The following HNRNPM variants were observed in gnomAD, a reference collection of about 807,000 sequenced individuals.
HNRNPM encodes the protein heterogeneous nuclear ribonucleoprotein M.
Under a neutral mutation model 73.1 loss-of-function variants are expected in HNRNPM, and 11 were observed. The ratio of observed to expected loss-of-function variants is 0.15; its 90% CI spans 0.09 to 0.25. The LOEUF is 0.25. Among genes scored for constraint, HNRNPM ranks in the 10% least tolerant of loss-of-function variants. HNRNPM has a pLI of 1.00. For missense variants in HNRNPM, 789 were observed against 1,067.9 expected (o/e 0.74, Z 3.64); for synonymous variants, 407 against 355.2 (o/e 1.15, Z -1.64).
rs1406970287 is a variant in HNRNPM at position 8,471,323 on chromosome 19, C to T, written c.896-3C>T. 2.6e-6 allele frequency: 4 copies of T among 1,549,280 alleles called. No individual in the cohort carries two copies. The East Asian group carries it at 9.5e-5, about 37-fold the overall frequency. ...ACTAAGCTTCTTTCTCTTTTCTTTC[C>T]AGATGGCCTTGGTGGTATTGGCATG... On this transcript the variant is annotated splice_region_variant and splice_polypyrimidine_tract_variant and intron_variant, in intron 9 of 15. Coordinates refer to ENST00000325495, the MANE Select transcript of HNRNPM (RefSeq NM_005968.5).
chr19:8,472,354 C>A (rs1970207519), intron 10 of HNRNPM, among the ~76,000 whole-genome samples: 2 of 151,836 alleles, frequency 1.3e-5, no homozygotes, highest in Non-Finnish European at 2.9e-5. Flanking sequence ...ATATGGAAGC[C>A]CCTCTATCCC....
At position 8,485,923 on chromosome 19, in the gene HNRNPM, G is replaced by T. The variant is rs757529430; in HGVS notation, c.1495G>T (p.Ala499Ser). The T allele has an allele frequency of 1.2e-6, 2 of 1,605,168 alleles. No individual in the cohort carries two copies. Among genetic ancestry groups the T allele is most frequent in the Non-Finnish European group, 1.7e-6 (2 of 1,179,464 alleles). ...GMGFGLERMA[A>S]PIDRVGQTIE... ...GGGCTTCGGCCTTGAGCGCATGGCC[G>T]CTCCCATCGACCGTGTGGGCCAGAC... The change falls in exon 14 of 16, where the codon GCT (alanine) becomes TCT (serine). Residue 499 changes from alanine to serine, a missense_variant. Around this residue, in one of 4 missense-constraint regions of HNRNPM, gnomAD observed 604 missense variants for 744.0 expected, o/e 0.81. Coordinates refer to ENST00000325495, the MANE Select transcript of HNRNPM (RefSeq NM_005968.5).
chr19:8,455,745 G>GTTTTTT (rs34467960), intron 2 of HNRNPM, among the ~76,000 whole-genome samples, 171 bp downstream of exon 2: 3 of 144,100 alleles, frequency 2.1e-5, no homozygotes, highest in East Asian at 4.1e-4. Context: ...TTTGTTTTGT[G>GTTTTTT]TTTTTTTTTT....
Position 8,455,408 on chromosome 19 carries a change from A to T in HNRNPM, c.117A>T (p.Glu39Asp). ...TTTTCCTCTCTCTCGAATTCAGTGA[A>T]GGAGAACGACCTGCTCAGAATGAGA... ...SGNGAPGPKG[E>D]GERPAQNEKR... The change falls in exon 2 of 16, where the codon GAA becomes GAT. Residue 39 changes from glutamate to aspartate, a missense_variant. Physicochemically the swap from Glu to Asp is conservative, Grantham distance 45. Coordinates refer to ENST00000325495, the MANE Select transcript of HNRNPM (RefSeq NM_005968.5). 5 of 1,611,428 alleles carry T rather than the reference A, an allele frequency of 3.1e-6. No individual in the cohort carries two copies. Among genetic ancestry groups the T allele is most frequent in the Non-Finnish European group, 4.2e-6 (5 of 1,179,116 alleles).
In HNRNPM at chr19:8,485,952, TGAGCGCATGGGCTCTGGCGTG is replaced by T. The variant is rs749001189; in HGVS notation, c.1537_1557del (p.Ser513_Gly519del). On this transcript the variant is annotated inframe_deletion, in exon 14 of 16. Coordinates refer to ENST00000325495, the MANE Select transcript of HNRNPM (RefSeq NM_005968.5). ...CCATCGACCGTGTGGGCCAGACCAT[TGAGCGCATGGGCTCTGGCGTG>T]GAGCGCATGGGCCCTGCCATCGAGC... 8.1e-6 allele frequency: 13 copies of T among 1,602,336 alleles called. No homozygotes were observed. The highest frequency in any genetic ancestry group is 1.4e-5 in the African/African-American group (1 of 73,154).
chr19:8,466,218 C>T lies in HNRNPM; in HGVS notation c.631-17C>T, dbSNP rs376178018. The T allele has an allele frequency of 3.2e-4, 510 of 1,604,686 alleles. 2 individuals carry two copies. Among genetic ancestry groups the T allele is most frequent in the Non-Finnish European group, 3.9e-4 (464 of 1,176,804 alleles). On this transcript the variant is annotated splice_polypyrimidine_tract_variant and intron_variant, in intron 6 of 15. Transcript: ENST00000325495. ...GATGTTTACATTGAGGTTTTTACCC[C>T]GTTCTCTCTCGATTAGCTGGATTAT...
chr19:8,444,975 A>T lies in HNRNPM; in HGVS notation c.-24A>T, dbSNP rs1968016326. 18 of 1,374,634 alleles carry T rather than the reference A, an allele frequency of 1.3e-5. No individual in the cohort carries two copies. Among genetic ancestry groups the T allele is most frequent in the South Asian group, 5.4e-5 (3 of 55,974 alleles). 85.2% of individuals were successfully genotyped at this position (1,374,634 alleles called of 1,614,324 possible). The stretch of plus-strand genomic sequence containing the variant: ...GCAGCGCGGTGCAGCCCGTTCGCTC[A>T]CACAAAGCCCAGACGCGGAGAAAAT... On this transcript the variant is annotated 5_prime_UTR_variant, in exon 1 of 16. Transcript: ENST00000325495.
intron 5 of HNRNPM, 103 bp from the exon 6 acceptor site, chr19:8,465,221 A>C: frequency 1.1e-6 from 1 of 940,412 alleles, no homozygotes; most frequent in Non-Finnish European, 1.6e-6. Context: ...TGCTTTCCAA[A>C]CAACCTTTCA....
chr19:8,484,178 T>C (rs1181543120), intron 13 of HNRNPM, among the ~76,000 whole-genome samples: 30 of 144,510 alleles, frequency 2.1e-4, no homozygotes, highest in African/African-American at 6.1e-4. Context: ...CATTTCTTTT[T>C]TTTTTTTTTT....
At chr19:8,487,189 T>G in intron 15 of HNRNPM, 114 bp downstream of exon 15, 1 of 880,396 alleles carries the variant, frequency 1.1e-6, no homozygotes, top group Non-Finnish European at 2.0e-6. Flanking sequence ...ACCCATGGCC[T>G]TGCCATGTTC....
chr19:8,481,060 A>C (rs1263186079), intron 12 of HNRNPM, among the ~76,000 whole-genome samples: 1 of 152,086 alleles, frequency 6.6e-6, no homozygotes, highest in Non-Finnish European at 1.5e-5. Flanking sequence ...TTGCCATGAG[A>C]GGTGAACCAT....
intron 5 of HNRNPM, among the ~76,000 whole-genome samples, chr19:8,465,023 G>A (rs1028328120): frequency 1.3e-5 from 2 of 152,130 alleles, no homozygotes; most frequent in African/African-American, 4.8e-5. Context: ...TCAGTCTGGC[G>A]GTTCTACATT....
intron 5 of HNRNPM, 24 bp downstream of exon 5, chr19:8,463,710 GAT>G (rs780547460): frequency 9.8e-6 from 14 of 1,426,012 alleles, no homozygotes; most frequent in Non-Finnish European, 6.9e-6. Context: ...TAACACTGCG[GAT>G]ACTGTGTGTA....
chr19:8,445,843 A>G (rs1968134121), intron 1 of HNRNPM, among the ~76,000 whole-genome samples: 1 of 152,248 alleles, frequency 6.6e-6, no homozygotes, highest in East Asian at 1.9e-4. Flanking sequence ...GCAGACAGAT[A>G]CGAAGTCGGG....
chr19:8,479,037 G>A (rs7259200), intron 12 of HNRNPM, among the ~76,000 whole-genome samples: 87,006 of 147,856 alleles, frequency 0.59, 27,114 homozygotes, highest in Admixed American at 0.71. Flanking sequence ...TTCAGTTTTG[G>A]TTAGGTGGCA....
In HNRNPM at chr19:8,463,036, T is replaced by C. The variant is rs79768250; in HGVS notation, c.336+455T>C. ...AATTGTAAACCAAATATTAAAAACC[T>C]GAATGTTCAAAATTGGCCTAGTTTA... On this transcript the variant is annotated intron_variant, in intron 3 of 15. Transcript: ENST00000325495. Among the ~76,000 whole-genome samples, 1,122 of 152,328 alleles carry C rather than the reference T, an allele frequency of 7.4e-3. 10 individuals are homozygous for C. The highest frequency in any genetic ancestry group is 0.019 in the South Asian group (92 of 4,832).
rs757886069 is a variant in HNRNPM, at chr19:8,483,120, G to A, written c.1121-38G>A. On this transcript the variant is annotated intron_variant, in intron 12 of 15. Coordinates refer to ENST00000325495, the MANE Select transcript of HNRNPM (RefSeq NM_005968.5). ...TGAGCACATTTCTATTGCCATAGAG[G>A]AATTTGGCTAATTTTTTTTTCTTCC... 2.9e-6 allele frequency: 4 copies of A among 1,369,426 alleles called. No homozygotes were observed. In the South Asian group the frequency reaches 3.5e-5, roughly 12 times the overall value. The allele number at this position is 1,369,426 out of a possible 1,614,324, so 84.8% of individuals were successfully genotyped here. A position where few individuals can be genotyped will look rare whatever the true frequency, so the allele number is the denominator to read the frequency against.
chr19:8,452,951 T>C (rs574173883), intron 1 of HNRNPM, among the ~76,000 whole-genome samples: 1 of 151,578 alleles, frequency 6.6e-6, no homozygotes, highest in Admixed American at 6.6e-5. Flanking sequence ...AGCCATCCTC[T>C]CAGCTCAGCC....
At chr19:8,484,245 C>T (rs1360425346) in intron 13 of HNRNPM, among the ~76,000 whole-genome samples, 1 of 149,706 alleles carries the variant, frequency 6.7e-6, no homozygotes, top group Non-Finnish European at 1.5e-5. Context: ...GGCACGATCT[C>T]GGCTCACTGT....
Sources: gnomAD v4.1 joint callset for allele counts (sites outside exome capture counted in the v4.1 genomes callset) on GRCh38, gnomAD v4.1.1 for gene constraint, gnomAD v4.1.1 regional missense constraint, MANE v1.5 for transcripts, NCBI Gene and HGNC (gene_info 2026-07-23, HGNC 2026-07-21) for gene names.